ACAN: variants seen among roughly 807,000 people sequenced by gnomAD.
The protein encoded by ACAN is aggrecan.
Under a neutral mutation model 169.1 loss-of-function variants are expected in ACAN, and 47 were observed. The observed-to-expected ratio is 0.28, with a 90% CI of 0.22 to 0.35. ACAN has a LOEUF of 0.35. Among genes scored for constraint, ACAN ranks in the 10% least tolerant of loss-of-function variants. The pLI is 1.00. For missense variants in ACAN, 2,716 were observed against 2,759.9 expected, an observed-to-expected ratio of 0.98 and a Z score of 0.36; for synonymous variants, 1,115 against 1,112.2, an observed-to-expected ratio of 1.00 and a Z score of -0.05.
At chr15:88,805,097 C>T (rs1377852350) in intron 1 of ACAN, among the ~76,000 whole-genome samples, 3 of 152,164 alleles carry the variant, frequency 2.0e-5, no homozygotes, top group Non-Finnish European at 4.4e-5. Flanking sequence ...CATAGTCGGT[C>T]CCTCGTCCTG....
chr15:88,819,225 A>C (rs566189397), intron 1 of ACAN, among the ~76,000 whole-genome samples: 4 of 152,314 alleles, frequency 2.6e-5, no homozygotes, highest in African/African-American at 9.6e-5. Flanking sequence ...GTCGGGGGGC[A>C]ACATCATGTC....
Position 88,873,684 on chromosome 15 carries a change from C to G in ACAN, c.7448-158C>G, listed in dbSNP as rs180776101. On this transcript the variant is annotated intron_variant, in intron 17 of 18. Coordinates refer to ENST00000560601, the MANE Select transcript of ACAN (RefSeq NM_001369268.1). The surrounding 1 kb of genome is among the most constrained non-coding windows in gnomAD (Gnocchi z 7.5). ...AAATTGTTGAGGAACCCAGATGTTA[C>G]AGCCAGCGGCTTCCAGATTCTTAGC... 1.3e-3 allele frequency: 907 copies of G among 714,332 alleles called. 8 individuals are homozygous for G. In the African/African-American group the frequency reaches 0.015, roughly 12 times the overall value. 44.2% of individuals were successfully genotyped at this position (714,332 alleles called of 1,614,324 possible). A position where few individuals can be genotyped will look rare whatever the true frequency, so the allele number is the denominator to read the frequency against.
At chr15:88,852,715 G>A (rs1182920711) in intron 11 of ACAN, among the ~76,000 whole-genome samples, 1 of 152,230 alleles carries the variant, frequency 6.6e-6, no homozygotes, top group East Asian at 1.9e-4. Flanking sequence ...TCTCCAAGAG[G>A]AGGTGATAGA....
chr15:88,825,061 T>A (rs1044605927), intron 1 of ACAN, among the ~76,000 whole-genome samples: 1 of 152,066 alleles, frequency 6.6e-6, no homozygotes, highest in African/African-American at 2.4e-5. Flanking sequence ...CACAAAACCC[T>A]TAGGACAAAA....
rs557001407 is a variant in ACAN at position 88,839,108 on chromosome 15, G to A, written c.454+62G>A. The A allele has an allele frequency of 9.1e-5, 143 of 1,570,966 alleles. No homozygotes were observed. In the African/African-American group the frequency reaches 1.3e-3, roughly 14 times the overall value. ...CACATAAAGAACCAGAGCAGTCTCC[G>A]CAGTGCAGGCGCAGGCAGGCTGGCC... On this transcript the variant is annotated intron_variant, in intron 3 of 18. Transcript: ENST00000560601. The surrounding 1 kb of genome is among the most constrained non-coding windows in gnomAD (Gnocchi z 4.5).
In ACAN at chr15:88,859,394, G is replaced by A. The variant is rs1002981169; in HGVS notation, c.6809G>A (p.Arg2270His). 1.4e-5 allele frequency: 22 copies of A among 1,562,256 alleles called. No homozygotes were observed. The highest frequency in any genetic ancestry group is 3.3e-4 in the Middle Eastern group (2 of 6,030). Reference sequence around the variant, plus strand: ...ATCCCAGCTTCTCCGGAATGGAAACGTGAATCAGAATCAACTGCTGCAGGT... The same window carrying A: ...ATCCCAGCTTCTCCGGAATGGAAACATGAATCAGAATCAACTGCTGCAGGT... ...ASIPASPEWK[R>H]ESESTAAAPA... Residue 2270 changes from arginine (R) to histidine (H), a missense_variant, in exon 12 of 19, where the codon CGT becomes CAT. Coordinates refer to ENST00000560601, the MANE Select transcript of ACAN (RefSeq NM_001369268.1).
At chr15:88,824,856 C>G (rs1289560509) in intron 1 of ACAN, among the ~76,000 whole-genome samples, 3 of 150,962 alleles carry the variant, frequency 2.0e-5, no homozygotes. Context: ...AGCACCACTG[C>G]ACTCTAGACT....
At chr15:88,831,974 T>G (rs565682238) in intron 1 of ACAN, among the ~76,000 whole-genome samples, 142 of 152,298 alleles carry the variant, frequency 9.3e-4, no homozygotes, top group Non-Finnish European at 1.8e-3. Context: ...GGGTGGCTTC[T>G]GATGGTGGAA....
At position 88,851,606 on chromosome 15, in the gene ACAN, G is replaced by T. The variant is rs760128810; in HGVS notation, c.2027-188G>T. On this transcript the variant is annotated intron_variant, in intron 10 of 18. Coordinates refer to ENST00000560601, the MANE Select transcript of ACAN (RefSeq NM_001369268.1). This position sits in a 1 kb window ranked among gnomAD's most constrained non-coding sequence, Gnocchi z 4.3. ...AGATCACTGGAACTAAAGTGCTGAT[G>T]GTGCATATGGATATTATATCATTGG... 3.5e-5 allele frequency: 21 copies of T among 605,712 alleles called. No individual in the cohort carries two copies. The highest frequency in any genetic ancestry group is 5.3e-5 in the Non-Finnish European group (19 of 359,562). 37.5% of individuals were successfully genotyped at this position (605,712 alleles called of 1,614,324 possible).
chr15:88,809,872 C>T (rs568329245), intron 1 of ACAN, among the ~76,000 whole-genome samples: 11 of 152,210 alleles, frequency 7.2e-5, no homozygotes, highest in Non-Finnish European at 1.3e-4. Flanking sequence ...GGAGATTTAT[C>T]TCAATGCAGG....
In ACAN at chr15:88,858,891, G is replaced by A. The variant is rs62023520; in HGVS notation, c.6306G>A (p.Glu2102=). The change falls in exon 12 of 19, where the codon GAG becomes GAA. Residue 2102 remains glutamate, a synonymous_variant. Transcript: ENST00000560601. The surrounding 1 kb of genome is among the most constrained non-coding windows in gnomAD (Gnocchi z 4.0). ...EVSSVPESSS[E]TSAYPEAGFG... is the part of the protein sequence containing the mutation. ...CATCAGTCCCAGAATCTAGCAGTGA[G>A]ACGTCCGCCTATCCTGAAGCTGGGT... The A allele has an allele frequency of 3.7e-6, 6 of 1,609,652 alleles. No individual in the cohort carries two copies. The highest frequency in any genetic ancestry group is 5.1e-6 in the Non-Finnish European group (6 of 1,176,970).
chr15:88,860,553 T>TTCTCA (rs2141616597), intron 13 of ACAN, 114 bp downstream of exon 13: 2 of 790,176 alleles, frequency 2.5e-6, no homozygotes, highest in South Asian at 1.6e-5. Flanking sequence ...AGGCTCAGGC[T>TTCTCA]GGGAAGGAGC....
chr15:88,855,105 G>A lies in ACAN; in HGVS notation c.2520G>A (p.Glu840=). ...SPSEEPSASE[E]PYTPSPPVPS... ...CAGAGGAACCATCAGCCTCGGAAGA[G>A]CCGTATACACCTTCACCCCCCGTGC... is the stretch of plus-strand genomic sequence containing the variant. The change falls in exon 12 of 19, where the codon GAG becomes GAA. Residue 840 remains glutamate (E), a synonymous_variant. Coordinates refer to ENST00000560601, the MANE Select transcript of ACAN (RefSeq NM_001369268.1). 1 of 1,602,364 alleles carries A rather than the reference G, an allele frequency of 6.2e-7. No individual in the cohort carries two copies.
chr15:88,849,334 T>C lies in ACAN; in HGVS notation c.1733-104T>C. On this transcript the variant is annotated intron_variant, in intron 9 of 18. Transcript: ENST00000560601. This position sits in a 1 kb window ranked among gnomAD's most constrained non-coding sequence, Gnocchi z 5.1. ...GGGGTGATGGAGCTGGGCTGGGTCT[T>C]AGCCCTGGTGAGGAGGGTTAGAGGA... The C allele has an allele frequency of 1.7e-6, 2 of 1,204,196 alleles. No homozygotes were observed. The highest frequency in any genetic ancestry group is 2.3e-6 in the Non-Finnish European group (2 of 888,602). 74.6% of individuals were successfully genotyped at this position (1,204,196 alleles called of 1,614,324 possible).
At chr15:88,815,046 G>T (rs1024108428) in intron 1 of ACAN, among the ~76,000 whole-genome samples, 10 of 148,260 alleles carry the variant, frequency 6.7e-5, no homozygotes, top group Admixed American at 6.0e-4. Flanking sequence ...AAAAAAAAAA[G>T]ATGCTCTGAG....
intron 1 of ACAN, among the ~76,000 whole-genome samples, chr15:88,811,065 G>T (rs973580020): frequency 1.3e-5 from 2 of 152,246 alleles, no homozygotes; most frequent in East Asian, 1.9e-4. Context: ...TGAGACAGGG[G>T]CCCTTCCTCC....
At chr15:88,804,795 A>G (rs1895635697) in intron 1 of ACAN, among the ~76,000 whole-genome samples, 1 of 152,166 alleles carries the variant, frequency 6.6e-6, no homozygotes, top group African/African-American at 2.4e-5. Context: ...CTAGGGTTTC[A>G]CCATGAAGAA....
At chr15:88,809,629 T>C (rs1462646019) in intron 1 of ACAN, among the ~76,000 whole-genome samples, 1 of 152,246 alleles carries the variant, frequency 6.6e-6, no homozygotes, top group Non-Finnish European at 1.5e-5. Flanking sequence ...CTTCACTTTG[T>C]CACTCCTCCA....
chr15:88,836,895 A>G (rs1177894985), intron 2 of ACAN, among the ~76,000 whole-genome samples: 2 of 152,244 alleles, frequency 1.3e-5, no homozygotes, highest in Non-Finnish European at 2.9e-5. Flanking sequence ...GGCCCAGACA[A>G]GAGAGGACTC....
Sources: gnomAD v4.1 joint callset for allele counts (sites outside exome capture counted in the v4.1 genomes callset) on GRCh38, gnomAD v4.1.1 for gene constraint, Gnocchi (gnomAD v3.1) non-coding constraint, MANE v1.5 for transcripts, NCBI Gene and HGNC (gene_info 2026-07-23, HGNC 2026-07-21) for gene names.